The following RAB19 variants were observed in gnomAD, a reference collection of about 807,000 sequenced individuals.
RAB19 encodes the protein ras-related protein Rab-19.
RAB19 carries 21 observed loss-of-function variants against 17.3 expected under a neutral mutation model. The observed-to-expected ratio is 1.21, with a 90% confidence interval of 0.86 to 1.74. RAB19 has a LOEUF of 1.74. Ranked by LOEUF, RAB19 falls within the 40% of genes most tolerant of loss-of-function variation. RAB19 has a pLI of 0.00. For synonymous variants in RAB19, 126 were observed against 110.4 expected, an observed-to-expected ratio of 1.14 and a Z score of -0.88; for missense variants, 277 against 286.8, an observed-to-expected ratio of 0.97 and a Z score of 0.25.
chr7:140,411,106 G>A, intron 2 of RAB19: 1 of 1,367,364 alleles, frequency 7.3e-7, no homozygotes, highest in Non-Finnish European at 9.8e-7. Flanking sequence ...GGATAAAATA[G>A]GCCCACCTCT....
chr7:140,407,807 T>G lies in RAB19; in HGVS notation c.161T>G (p.Phe54Cys). The change falls in exon 2 of 4, where the codon TTT (phenylalanine) becomes TGT (cysteine). Residue 54 changes from phenylalanine (F) to cysteine (C), a missense_variant. Coordinates refer to ENST00000537763, the MANE Select transcript of RAB19 (RefSeq NM_001008749.3). ...ETQQNTIGVD[F>C]TVRSLDIDGK... ...CAGCAGAACACGATTGGAGTGGACT[T>G]TACCGTGCGTTCCCTTGATATTGAC... 6.2e-7 allele frequency: 1 copy of G among 1,613,820 alleles called. No individual in the cohort carries two copies. Among genetic ancestry groups the G allele is most frequent in the Admixed American group, 1.7e-5 (1 of 59,970 alleles).
intron 3 of RAB19, among the ~76,000 whole-genome samples, chr7:140,412,342 C>T (rs1007473501): frequency 9.2e-5 from 14 of 152,008 alleles, no homozygotes; most frequent in Non-Finnish European, 1.6e-4. Context: ...GTCCCAGCTA[C>T]TCGGGAGGCT....
At chr7:140,419,312 AC>A (rs1799517999) in intron 3 of RAB19, among the ~76,000 whole-genome samples, 1 of 151,208 alleles carries the variant, frequency 6.6e-6, no homozygotes, top group South Asian at 2.1e-4. Flanking sequence ...CAAGTGATCC[AC>A]CCACCTCAGC....
intron 1 of RAB19, among the ~76,000 whole-genome samples, chr7:140,405,411 G>T (rs1409597988): frequency 1.3e-5 from 2 of 151,854 alleles, no homozygotes; most frequent in Non-Finnish European, 2.9e-5. Flanking sequence ...TAGTAGAGAT[G>T]GGGTTTCACC....
chr7:140,405,534 T>C (rs945870293), intron 1 of RAB19, among the ~76,000 whole-genome samples: 1 of 132,160 alleles, frequency 7.6e-6, no homozygotes, highest in African/African-American at 2.9e-5. Flanking sequence ...TTTCTTATTA[T>C]TTTAATAGAG....
chr7:140,407,880 C>CT (rs71170993), intron 2 of RAB19, 33 bp downstream of exon 2: 19,413 of 632,378 alleles, frequency 0.031, 168 homozygotes, highest in South Asian at 0.057. Context: ...CTGGTTCCAC[C>CT]TTTTTTTTTT....
intron 3 of RAB19, among the ~76,000 whole-genome samples, chr7:140,412,610 CCCCTGCCTGGCCCT>C (rs1166895532): frequency 3.3e-5 from 5 of 151,312 alleles, no homozygotes; most frequent in African/African-American, 1.2e-4. Context: ...TGAAGTGATC[CCCCTGCCTGGCCCT>C]CCCAAAGTGC....
intron 2 of RAB19, 21 bp downstream of exon 2, chr7:140,407,868 G>A (rs761059889): frequency 4.7e-6 from 7 of 1,477,242 alleles, no homozygotes; most frequent in Non-Finnish European, 6.5e-6. Flanking sequence ...ACCGGGACGG[G>A]ACTGGTTCCA....
intron 2 of RAB19, among the ~76,000 whole-genome samples, chr7:140,409,373 AAG>A (rs1165748595): frequency 2.0e-5 from 3 of 150,744 alleles, no homozygotes; most frequent in East Asian, 2.0e-4. Flanking sequence ...CAAAAAAAGA[AAG>A]AGGTCAAATT....
At chr7:140,409,044 G>A (rs1799301126) in intron 2 of RAB19, among the ~76,000 whole-genome samples, 1 of 152,134 alleles carries the variant, frequency 6.6e-6, no homozygotes, top group Admixed American at 6.6e-5. Flanking sequence ...ACAGGCGTGA[G>A]CCACCAAACC....
intron 3 of RAB19, among the ~76,000 whole-genome samples, chr7:140,422,848 C>G (rs959445992): frequency 6.6e-6 from 1 of 152,196 alleles, no homozygotes; most frequent in African/African-American, 2.4e-5. Context: ...TGGCTCACAC[C>G]TGTAATCCCA....
At chr7:140,417,861 C>G (rs1314893183) in intron 3 of RAB19, among the ~76,000 whole-genome samples, 3 of 152,212 alleles carry the variant, frequency 2.0e-5, no homozygotes, top group Admixed American at 1.3e-4. Context: ...CTCCCTCTAC[C>G]TCCCCCTTGT....
rs1244279261 is a variant in RAB19, at chr7:140,404,146, G to C, written c.-95G>C. On this transcript the variant is annotated 5_prime_UTR_variant, in exon 1 of 4. Coordinates refer to ENST00000537763, the MANE Select transcript of RAB19 (RefSeq NM_001008749.3). ...GCAGGAGGAAGAAGGGGGCACTGGGGGGCTGAAAAGCAAACCCAGAAGAAA... is the reference window on the plus strand; with the variant it reads ...GCAGGAGGAAGAAGGGGGCACTGGGCGGCTGAAAAGCAAACCCAGAAGAAA... 1 of 152,548 alleles carries C rather than the reference G, an allele frequency of 6.6e-6. No homozygotes were observed. The highest frequency in any genetic ancestry group is 2.4e-5 in the African/African-American group (1 of 41,434). 9.4% of individuals were successfully genotyped at this position (152,548 alleles called of 1,614,324 possible).
At chr7:140,424,811 G>A (rs943854142) in intron 3 of RAB19, among the ~76,000 whole-genome samples, 6 of 151,836 alleles carry the variant, frequency 4.0e-5, no homozygotes, top group Admixed American at 2.6e-4. Context: ...GGCTCTTGTG[G>A]GGACAGGAAT....
intron 3 of RAB19, 72 bp from the exon 4 acceptor site, chr7:140,425,806 GTTAC>G: frequency 6.7e-7 from 1 of 1,482,378 alleles, no homozygotes; most frequent in East Asian, 2.3e-5. Flanking sequence ...GAACTAAAAT[GTTAC>G]TTGTAAAGTT....
At position 140,425,947 on chromosome 7, in the gene RAB19, A is replaced by G; in HGVS notation, c.451A>G (p.Lys151Glu). The change falls in exon 4 of 4, where the codon AAG becomes GAG. Residue 151 changes from lysine to glutamate, a missense_variant. Physicochemically the swap from Lys to Glu is moderately conservative, Grantham distance 56 (BLOSUM62 1). Coordinates refer to ENST00000537763, the MANE Select transcript of RAB19 (RefSeq NM_001008749.3). ...CGAGGATGCCTGCACACTGGCTGAG[A>G]AGTACGGCCTCCTGGCCGTTTTGGA... ...LFEDACTLAE[K>E]YGLLAVLETS... 6.2e-7 allele frequency: 1 copy of G among 1,614,192 alleles called. No homozygotes were observed. The highest frequency in any genetic ancestry group is 8.5e-7 in the Non-Finnish European group (1 of 1,180,038).
intron 3 of RAB19, among the ~76,000 whole-genome samples, chr7:140,415,969 G>C (rs1028286687): frequency 6.6e-6 from 1 of 152,068 alleles, no homozygotes; most frequent in Non-Finnish European, 1.5e-5. Context: ...AGTTTGGGAG[G>C]CTGAGGTGGG....
Position 140,406,361 on chromosome 7 carries a change from G to A in RAB19, c.-23-1263G>A, listed in dbSNP as rs115022892. ...TCATTAGAAACCTTAATTTTCTGGC[G>A]GCGCGTGATGGCTCAGGCCTGTAAT... On this transcript the variant is annotated intron_variant, in intron 1 of 3. Coordinates refer to ENST00000537763, the MANE Select transcript of RAB19 (RefSeq NM_001008749.3). Among the ~76,000 whole-genome samples the A allele has an allele frequency of 2.6e-3, 391 of 151,516 alleles. 1 individual carries two copies. The highest frequency in any genetic ancestry group is 8.9e-3 in the African/African-American group (366 of 41,328).
Position 140,426,608 on chromosome 7 carries a change from G to A in RAB19, c.*458G>A, listed in dbSNP as rs1282089053. Among the ~76,000 whole-genome samples, 6 of 152,162 alleles carry A rather than the reference G, an allele frequency of 3.9e-5. No individual in the cohort carries two copies. The highest frequency in any genetic ancestry group is 1.2e-4 in the African/African-American group (5 of 41,444). On this transcript the variant is annotated 3_prime_UTR_variant, in exon 4 of 4. Transcript: ENST00000537763. ...ACAGCTCAGGCAGGGAGAATGGAAC[G>A]AAAGCCTGCAATGAGAAACCAGAAT...
Sources: gnomAD v4.1 joint callset for allele counts (sites outside exome capture counted in the v4.1 genomes callset) on GRCh38, gnomAD v4.1.1 for gene constraint, MANE v1.5 for transcripts, NCBI Gene and HGNC (gene_info 2026-07-23, HGNC 2026-07-21) for gene names.